The following DCLK1 variants were observed in gnomAD, a reference collection of about 807,000 sequenced individuals.
DCLK1 encodes the protein serine/threonine-protein kinase DCLK1.
DCLK1 carries 16 observed loss-of-function variants against 86.2 expected under a neutral mutation model. The observed-to-expected ratio is 0.19, with a 90% CI of 0.13 to 0.28. DCLK1 has a LOEUF of 0.28. Ranked by LOEUF, DCLK1 falls within the 10% of genes least tolerant of loss-of-function variation. The probability of loss-of-function intolerance (pLI) is 1.00; values close to 1 mark genes in which losing one functional copy is unlikely to be tolerated. For synonymous variants in DCLK1, 369 were observed against 370.5 expected (o/e 1.00, Z 0.05); for missense variants, 590 against 940.2 (o/e 0.63, Z 4.87).
chr13:36,005,665 G>C (rs1393268934), intron 3 of DCLK1, among the ~76,000 whole-genome samples: 1 of 152,230 alleles, frequency 6.6e-6, no homozygotes, highest in African/African-American at 2.4e-5. Context: ...AAAGAGCAGA[G>C]ATGGGCTAGC....
chr13:35,905,955 A>T (rs1874668932), intron 4 of DCLK1, among the ~76,000 whole-genome samples: 1 of 152,196 alleles, frequency 6.6e-6, no homozygotes, highest in Non-Finnish European at 1.5e-5. Context: ...AATAAGCATG[A>T]TCTTAATGAG....
chr13:35,878,653 A>T (rs1926469), intron 4 of DCLK1, among the ~76,000 whole-genome samples: 58,237 of 151,970 alleles, frequency 0.38, 11,235 homozygotes, highest in African/African-American at 0.41. Context: ...AAATAACTAA[A>T]AGAGTATAAT....
chr13:35,793,884 C>A (rs562038752), intron 15 of DCLK1, among the ~76,000 whole-genome samples: 7 of 152,162 alleles, frequency 4.6e-5, no homozygotes. Flanking sequence ...TCATTTAGAC[C>A]CAAAGCCAAG....
intron 5 of DCLK1, chr13:35,855,737 G>T (rs1226422662): frequency 2.2e-5 from 30 of 1,367,618 alleles, no homozygotes; most frequent in Non-Finnish European, 2.8e-5. Context: ...GGAGGTGCAG[G>T]TTCTGTCTTA....
intron 3 of DCLK1, among the ~76,000 whole-genome samples, chr13:36,110,073 A>G (rs909954346): frequency 8.5e-5 from 13 of 152,218 alleles, no homozygotes; most frequent in Non-Finnish European, 1.9e-4. Flanking sequence ...CTTTGCTCTA[A>G]TGAGACACTT....
chr13:35,918,765 G>A (rs1875587192), intron 4 of DCLK1, among the ~76,000 whole-genome samples: 1 of 151,990 alleles, frequency 6.6e-6, no homozygotes, highest in African/African-American at 2.4e-5. Context: ...TAGTTGCACA[G>A]CTCAAATAAA....
intron 4 of DCLK1, among the ~76,000 whole-genome samples, chr13:35,871,658 GT>G (rs1221932439): frequency 6.7e-6 from 1 of 150,022 alleles, no homozygotes; most frequent in East Asian, 1.9e-4. Context: ...CACTCCTTGA[GT>G]TATCTGTATA....
chr13:35,947,407 A>G lies in DCLK1; in HGVS notation c.774T>C (p.Cys258=). 6.2e-7 allele frequency: 1 copy of G among 1,613,964 alleles called. No individual in the cohort carries two copies. Among genetic ancestry groups the G allele is most frequent in the South Asian group, 1.1e-5 (1 of 91,066 alleles). The part of the protein sequence containing the change: ...FFGDDDIFIA[C]GPEKFRYQDD... ...CCTGGTAACGGAACTTCTCCGGTCC[A>G]CATGCAATAAAAATGTCATCATCAC... is the stretch of plus-strand genomic sequence containing the variant. The change falls in exon 4 of 17, where the codon TGT becomes TGC. Residue 258 remains cysteine (C), a synonymous_variant. Transcript: ENST00000360631.
chr13:35,850,079 C>A, intron 6 of DCLK1: 1 of 983,504 alleles, frequency 1.0e-6, no homozygotes, highest in Non-Finnish European at 1.2e-6. Context: ...TAAAGCCTAA[C>A]TTCAGAGTCT....
chr13:36,098,904 C>T (rs1045135684), intron 3 of DCLK1, among the ~76,000 whole-genome samples: 1 of 151,686 alleles, frequency 6.6e-6, no homozygotes, highest in Non-Finnish European at 1.5e-5. Flanking sequence ...AGTACAGGGA[C>T]TAATTTTAAT....
rs377210626 is a variant in DCLK1 at position 35,952,463 on chromosome 13, G to A, written c.724-5006C>T. Among the ~76,000 whole-genome samples, 7 of 152,270 alleles carry A rather than the reference G, an allele frequency of 4.6e-5. No homozygotes were observed. The South Asian group carries it at 8.3e-4, about 18-fold the overall frequency. On this transcript the variant is annotated intron_variant, in intron 3 of 16. Coordinates refer to ENST00000360631, the MANE Select transcript of DCLK1 (RefSeq NM_001330071.2). ...TTAGGCTTCCACAGAATGATGCTGCGAAAAGTCATTTGTAAGCATATTCAC... is the reference window on the plus strand; with the variant it reads ...TTAGGCTTCCACAGAATGATGCTGCAAAAAGTCATTTGTAAGCATATTCAC...
rs573033982 is a variant in DCLK1 at position 35,959,832 on chromosome 13, T to C, written c.724-12375A>G. On this transcript the variant is annotated intron_variant, in intron 3 of 16. Coordinates refer to ENST00000360631, the MANE Select transcript of DCLK1 (RefSeq NM_001330071.2). The stretch of plus-strand genomic sequence containing the variant: ...CACCACTCCTAGAAATTAGAGCTCA[T>C]GAAAAAACCAATACAGCAAGTCGTG... Among the ~76,000 whole-genome samples the C allele has an allele frequency of 1.2e-4, 18 of 150,236 alleles. No individual in the cohort carries two copies. The South Asian group carries it at 2.3e-3, about 20-fold the overall frequency.
intron 3 of DCLK1, among the ~76,000 whole-genome samples, chr13:36,095,832 A>C (rs913454608): frequency 6.6e-6 from 1 of 152,174 alleles, no homozygotes; most frequent in Admixed American, 6.5e-5. Context: ...AATAAGAAAA[A>C]CTAAATTAAA....
At chr13:35,785,509 C>T (rs1427463719) in intron 16 of DCLK1, among the ~76,000 whole-genome samples, 2 of 151,842 alleles carry the variant, frequency 1.3e-5, no homozygotes, top group East Asian at 3.9e-4. Flanking sequence ...GGATGCTGCT[C>T]CCTTGGAAGC....
intron 5 of DCLK1, among the ~76,000 whole-genome samples, chr13:35,858,695 A>G (rs2153111663): frequency 6.6e-6 from 1 of 152,280 alleles, no homozygotes; most frequent in South Asian, 2.1e-4. Context: ...AAAGTAAAGC[A>G]AAAACTGCAA....
intron 3 of DCLK1, among the ~76,000 whole-genome samples, chr13:36,027,982 A>T (rs1311374586): frequency 2.0e-5 from 3 of 152,116 alleles, no homozygotes; most frequent in Non-Finnish European, 4.4e-5. Flanking sequence ...CTCCTGCCTT[A>T]GCCTCCCAAA....
At chr13:36,078,993 A>T (rs1243031882) in intron 3 of DCLK1, among the ~76,000 whole-genome samples, 1 of 152,176 alleles carries the variant, frequency 6.6e-6, no homozygotes, top group African/African-American at 2.4e-5. Context: ...CTCTGCAGTC[A>T]GGGAGAGAAA....
chr13:35,874,624 A>C (rs996828302), intron 4 of DCLK1, among the ~76,000 whole-genome samples: 1 of 152,174 alleles, frequency 6.6e-6, no homozygotes, highest in Non-Finnish European at 1.5e-5. Context: ...TAAAAAAAAG[A>C]AAAAAATCTA....
chr13:35,889,012 G>T (rs1251516867), intron 4 of DCLK1, among the ~76,000 whole-genome samples: 1 of 152,140 alleles, frequency 6.6e-6, no homozygotes, highest in Non-Finnish European at 1.5e-5. Flanking sequence ...AAAAATATTA[G>T]CAGAGATGTA....
Sources: allele counts gnomAD v4.1 joint callset (sites outside exome capture counted in the v4.1 genomes callset), GRCh38; gene constraint gnomAD v4.1.1; transcripts MANE v1.5; gene names NCBI Gene and HGNC (gene_info 2026-07-23, HGNC 2026-07-21).